Variants in MMS22L observed in about 807,000 individuals in gnomAD.
MMS22L encodes the protein MMS22 like, DNA repair protein.
A neutral mutation model predicts 159.1 loss-of-function variants in MMS22L; 74 were observed. The observed-to-expected ratio is 0.47, with a 90% CI of 0.39 to 0.56. MMS22L has a LOEUF of 0.56. MMS22L is among the 20% of genes least tolerant of loss of function. The probability of loss-of-function intolerance (pLI) is 0.00; values close to 1 mark genes in which losing one functional copy is unlikely to be tolerated. For synonymous variants in MMS22L, 517 were observed against 506.9 expected (o/e 1.02, Z -0.27); for missense variants, 1,351 against 1,422.1 (o/e 0.95, Z 0.80).
At chr6:97,152,527 T>C (rs1268588791) in intron 22 of MMS22L, among the ~76,000 whole-genome samples, 1 of 152,162 alleles carries the variant, frequency 6.6e-6, no homozygotes, top group Non-Finnish European at 1.5e-5. Flanking sequence ...TAAATTCTTA[T>C]GTTGTTTTTG....
In MMS22L at chr6:97,149,935, C is replaced by T. The variant is rs771533477; in HGVS notation, c.3568G>A (p.Val1190Ile). 1 of 1,613,618 alleles carries T rather than the reference C, an allele frequency of 6.2e-7. No homozygotes were observed. The highest frequency in any genetic ancestry group is 1.1e-5 in the South Asian group (1 of 91,052). ...GTAAGGGTAGAAATCAAGTGGATGA[C>T]AACCTGCTGGTCCAATGTTGCTACT... ...ETVATLDQQVVIHLISTLTQS... is the reference protein window; with the variant it reads ...ETVATLDQQVIIHLISTLTQS... The change falls in exon 24 of 25, where the codon GTC becomes ATC. Residue 1190 changes from valine (V) to isoleucine (I), a missense_variant. Transcript: ENST00000683635.
chr6:97,151,476 T>C (rs1043718265), intron 23 of MMS22L: 4 of 321,658 alleles, frequency 1.2e-5, no homozygotes, highest in Admixed American at 4.4e-5. Context: ...TGGCTAACTA[T>C]ACATTTCTCA....
intron 21 of MMS22L, among the ~76,000 whole-genome samples, chr6:97,163,746 C>T (rs1802682952): frequency 6.6e-6 from 1 of 151,996 alleles, no homozygotes; most frequent in Non-Finnish European, 1.5e-5. Flanking sequence ...ATACATGGTA[C>T]ACTGACATAT....
chr6:97,222,514 C>G (rs924988420), intron 14 of MMS22L, among the ~76,000 whole-genome samples: 1 of 151,980 alleles, frequency 6.6e-6, no homozygotes, highest in African/African-American at 2.4e-5. Flanking sequence ...TTGTTTAATA[C>G]AAAATAGGAT....
Position 97,162,173 on chromosome 6 carries a change from G to T in MMS22L, c.3222-8C>A, listed in dbSNP as rs1802512458. ...TACTCAAGGTAGGATTTCCTGAAAA[G>T]AAGCAAAATTTGTTTATTCTCTGCT... On this transcript the variant is annotated splice_polypyrimidine_tract_variant and splice_region_variant and intron_variant, in intron 21 of 24. Coordinates refer to ENST00000683635, the MANE Select transcript of MMS22L (RefSeq NM_001350599.2). The T allele has an allele frequency of 6.3e-7, 1 of 1,584,228 alleles. No homozygotes were observed. The highest frequency in any genetic ancestry group is 8.5e-7 in the Non-Finnish European group (1 of 1,171,054).
chr6:97,255,537 G>A (rs73760113), intron 9 of MMS22L, among the ~76,000 whole-genome samples: 3,175 of 151,734 alleles, frequency 0.021, 113 homozygotes, highest in African/African-American at 0.073. Flanking sequence ...TACTATGAAG[G>A]GCTTATTGCT....
intron 4 of MMS22L, among the ~76,000 whole-genome samples, chr6:97,273,992 A>G (rs923919363): frequency 1.3e-5 from 2 of 152,220 alleles, no homozygotes; most frequent in Non-Finnish European, 2.9e-5. Flanking sequence ...TAAAGCTCTG[A>G]ACGACCTTTT....
intron 4 of MMS22L, among the ~76,000 whole-genome samples, chr6:97,277,554 C>T (rs932174140): frequency 1.3e-5 from 2 of 152,066 alleles, no homozygotes; most frequent in African/African-American, 4.8e-5. Context: ...ACAAAACACA[C>T]ACACACACAC....
intron 14 of MMS22L, among the ~76,000 whole-genome samples, chr6:97,204,240 C>G (rs2127907328): frequency 6.6e-6 from 1 of 152,306 alleles, no homozygotes; most frequent in South Asian, 2.1e-4. Context: ...AGCATTTCAT[C>G]CCCATGCCTC....
intron 22 of MMS22L, among the ~76,000 whole-genome samples, chr6:97,156,842 T>C (rs1037433337): frequency 4.6e-5 from 7 of 152,194 alleles, no homozygotes; most frequent in African/African-American, 1.7e-4. Context: ...AATAGTTTTT[T>C]TTCCAGTTCT....
At chr6:97,170,113 A>G (rs1206985053) in intron 19 of MMS22L, among the ~76,000 whole-genome samples, 1 of 152,300 alleles carries the variant, frequency 6.6e-6, no homozygotes, top group African/African-American at 2.4e-5. Flanking sequence ...AAACCTTATC[A>G]TAAGTATGTA....
intron 6 of MMS22L, chr6:97,271,152 T>C (rs1815695756): frequency 6.6e-6 from 1 of 152,084 alleles, no homozygotes; most frequent in Non-Finnish European, 1.5e-5. Flanking sequence ...ATAACAAATA[T>C]ATAAAGTCTT....
chr6:97,189,237 A>T (rs1805588780), intron 14 of MMS22L, among the ~76,000 whole-genome samples: 1 of 146,580 alleles, frequency 6.8e-6, no homozygotes, highest in Non-Finnish European at 1.5e-5. Context: ...TGGGGATAGG[A>T]CTCAAAGTTC....
intron 14 of MMS22L, among the ~76,000 whole-genome samples, chr6:97,193,595 C>T (rs966276879): frequency 5.3e-5 from 8 of 152,182 alleles, no homozygotes; most frequent in African/African-American, 1.9e-4. Context: ...CCAATGTTGA[C>T]TACCACCAAA....
At position 97,145,268 on chromosome 6, in the gene MMS22L, A is replaced by G. The variant is rs1445285140; in HGVS notation, c.*1538T>C. 3 of 152,270 alleles carry G rather than the reference A, an allele frequency of 2.0e-5. No individual in the cohort carries two copies. The highest frequency in any genetic ancestry group is 4.4e-5 in the Non-Finnish European group (3 of 67,992). 9.4% of individuals were successfully genotyped at this position (152,270 alleles called of 1,614,324 possible). On this transcript the variant is annotated 3_prime_UTR_variant, in exon 25 of 25. Transcript: ENST00000683635. ...CCCTTTGATGAAGCTGATTTGAGAG[A>G]AGGACCATTTATATGTTATGAAAAT...
At chr6:97,258,204 T>G (rs1814036916) in intron 9 of MMS22L, among the ~76,000 whole-genome samples, 1 of 152,184 alleles carries the variant, frequency 6.6e-6, no homozygotes, top group South Asian at 2.1e-4. Flanking sequence ...CCTATTAATA[T>G]CTTTAAAAAG....
At chr6:97,274,435 G>A (rs757850300) in intron 4 of MMS22L, among the ~76,000 whole-genome samples, 156 of 152,142 alleles carry the variant, frequency 1.0e-3, no homozygotes, top group South Asian at 1.5e-3. Context: ...CAGGCAAGAC[G>A]GAGTAAAATA....
chr6:97,254,526 A>G (rs539357362), intron 10 of MMS22L, 31 bp downstream of exon 10: 13 of 1,577,398 alleles, frequency 8.2e-6, no homozygotes, highest in African/African-American at 4.1e-5. Context: ...AATTGACAAT[A>G]TAAGAAAGTT....
chr6:97,276,826 T>A (rs1449778206), intron 4 of MMS22L, among the ~76,000 whole-genome samples: 1 of 152,202 alleles, frequency 6.6e-6, no homozygotes, highest in African/African-American at 2.4e-5. Flanking sequence ...CAGCAGCTTG[T>A]ACATTCCTTT....
Sources: allele counts gnomAD v4.1 joint callset (sites outside exome capture counted in the v4.1 genomes callset), GRCh38; gene constraint gnomAD v4.1.1; transcripts MANE v1.5; gene names NCBI Gene and HGNC (gene_info 2026-07-23, HGNC 2026-07-21).